The following CSMD1 variants were observed in gnomAD, a reference collection of about 807,000 sequenced individuals.
CSMD1 encodes the protein CUB and sushi domain-containing protein 1.
In CSMD1, 213 loss-of-function variants were observed where a neutral mutation model predicts 417.5. That is an observed-to-expected ratio of 0.51 (90% CI 0.46 to 0.57). The LOEUF (loss-of-function observed/expected upper bound fraction) is 0.57, where lower values mean the gene tolerates loss of function less well. CSMD1 is among the 20% of genes least tolerant of loss of function. The probability of loss-of-function intolerance (pLI) is 0.00; values close to 1 mark genes in which losing one functional copy is unlikely to be tolerated. For synonymous variants in CSMD1, 2,862 were observed against 1,736.8 expected, an observed-to-expected ratio of 1.65 and a Z score of -16.11; for missense variants, 6,923 against 4,529.7, an observed-to-expected ratio of 1.53 and a Z score of -15.17.
chr8:3,220,692 A>G (rs1029988579), intron 28 of CSMD1, among the ~76,000 whole-genome samples: 2 of 152,104 alleles, frequency 1.3e-5, no homozygotes, highest in African/African-American at 4.8e-5. Context: ...TTAGCAGAGC[A>G]TGGTGTCGTG....
chr8:2,998,999 T>C (rs971217346), intron 53 of CSMD1, among the ~76,000 whole-genome samples: 23 of 152,226 alleles, frequency 1.5e-4, no homozygotes, highest in African/African-American at 4.6e-4. Context: ...AAATATACAA[T>C]ATTTCTAAAA....
In CSMD1 at chr8:4,627,149, C is replaced by T. The variant is rs552780196; in HGVS notation, c.302+10193G>A. On this transcript the variant is annotated intron_variant, in intron 2 of 69. Transcript: ENST00000635120. ...TTTCAATATTTCAACTAATATTATG[C>T]GATGAAAACTCACTTGTTTATTCTG... Among the ~76,000 whole-genome samples the T allele has an allele frequency of 3.4e-4, 51 of 152,180 alleles. 1 individual carries two copies. The highest frequency in any genetic ancestry group is 1.1e-3 in the Admixed American group (17 of 15,290).
intron 1 of CSMD1, among the ~76,000 whole-genome samples, chr8:4,731,050 G>A (rs982766644): frequency 6.6e-6 from 1 of 152,222 alleles, no homozygotes; most frequent in Non-Finnish European, 1.5e-5. Context: ...GAGTATGGAG[G>A]GTCTGTGGGT....
chr8:3,685,074 C>G (rs1799879303), intron 7 of CSMD1, among the ~76,000 whole-genome samples: 1 of 152,044 alleles, frequency 6.6e-6, no homozygotes, highest in Non-Finnish European at 1.5e-5. Flanking sequence ...TAAGAGATGT[C>G]TTCATTATAA....
rs1273549224 is a variant in CSMD1 at position 2,936,354 on chromosome 8, A to C, written c.*2231T>G. 1 of 146,434 alleles carries C rather than the reference A, an allele frequency of 6.8e-6. No homozygotes were observed. Among genetic ancestry groups the C allele is most frequent in the Non-Finnish European group, 1.5e-5 (1 of 67,066 alleles). The allele number at this position is 146,434 out of a possible 1,614,324, so 9.1% of individuals were successfully genotyped here. Reference sequence around the variant, plus strand: ...ATTTTGCACCTAGTTTGAATGACTCAAACTTAGATATGTACAATATATATA... The same window carrying C: ...ATTTTGCACCTAGTTTGAATGACTCCAACTTAGATATGTACAATATATATA... On this transcript the variant is annotated 3_prime_UTR_variant, in exon 70 of 70. Transcript: ENST00000635120.
chr8:3,002,332 G>C (rs962611718), intron 52 of CSMD1, among the ~76,000 whole-genome samples: 7 of 152,188 alleles, frequency 4.6e-5, no homozygotes, highest in South Asian at 2.1e-4. Context: ...TCGTGCATGG[G>C]GGAGATGGAG....
At chr8:3,642,473 T>C (rs1246505619) in intron 7 of CSMD1, among the ~76,000 whole-genome samples, 1 of 152,154 alleles carries the variant, frequency 6.6e-6, no homozygotes. Context: ...TCCCAAGTAG[T>C]GACCCAAGCA....
intron 26 of CSMD1, among the ~76,000 whole-genome samples, chr8:3,241,207 G>A (rs566593858): frequency 1.3e-5 from 2 of 151,500 alleles, no homozygotes; most frequent in East Asian, 1.9e-4. Context: ...AACTGGGCAG[G>A]TGGGGATAAC....
At chr8:4,735,105 G>A (rs552656375) in intron 1 of CSMD1, among the ~76,000 whole-genome samples, 4 of 152,188 alleles carry the variant, frequency 2.6e-5, no homozygotes, top group Admixed American at 1.3e-4. Context: ...CCGCAGGGAA[G>A]AGCAAAAGGT....
At chr8:4,875,298 T>A (rs773134480) in intron 1 of CSMD1, among the ~76,000 whole-genome samples, 1 of 152,098 alleles carries the variant, frequency 6.6e-6, no homozygotes, top group African/African-American at 2.4e-5. Context: ...GATTCTCAGT[T>A]CGAAAATATG....
chr8:4,502,905 T>G (rs902751134), intron 2 of CSMD1, among the ~76,000 whole-genome samples: 1 of 152,150 alleles, frequency 6.6e-6, no homozygotes. Flanking sequence ...ACCAATTCCT[T>G]CTGGTGTCTT....
Position 2,965,851 on chromosome 8 carries a change from GA to G in CSMD1, c.9203del (p.Val3068AlafsTer52). 6.2e-7 allele frequency: 1 copy of G among 1,609,182 alleles called. No homozygotes were observed. Among genetic ancestry groups the G allele is most frequent in the Non-Finnish European group, 8.5e-7 (1 of 1,177,672 alleles). On this transcript the variant is annotated frameshift_variant, in exon 59 of 70. Coordinates refer to ENST00000635120, the MANE Select transcript of CSMD1 (RefSeq NM_033225.6). LOFTEE classifies it high-confidence loss of function. ...TAGTGGCGGATGTGACTGCTTCCAT[GA>G]CATAGCCTGGGTTACACTGATAGCT... is the stretch of plus-strand genomic sequence containing the variant. ...TVSYQCNPGYVMEAVTSATIR... is the reference protein window; with the variant it reads ...TVSYQCNPGYXMEAVTSATIR...
intron 1 of CSMD1, among the ~76,000 whole-genome samples, chr8:4,977,286 T>C (rs1463062205): frequency 6.6e-6 from 1 of 152,178 alleles, no homozygotes; most frequent in African/African-American, 2.4e-5. Flanking sequence ...CTTAACATTC[T>C]TCCTGAAATA....
intron 1 of CSMD1, among the ~76,000 whole-genome samples, chr8:4,863,637 C>T (rs192942573): frequency 2.0e-5 from 3 of 152,090 alleles, no homozygotes; most frequent in African/African-American, 7.2e-5. Flanking sequence ...CATATCCACC[C>T]AGGGGACACA....
At chr8:4,424,650 A>C (rs894633935) in intron 2 of CSMD1, among the ~76,000 whole-genome samples, 3 of 152,114 alleles carry the variant, frequency 2.0e-5, no homozygotes, top group Non-Finnish European at 4.4e-5. Context: ...AAAACTTCCG[A>C]AGAAGTTTGA....
At chr8:4,693,589 G>C (rs192495052) in intron 1 of CSMD1, among the ~76,000 whole-genome samples, 1 of 152,264 alleles carries the variant, frequency 6.6e-6, no homozygotes, top group East Asian at 1.9e-4. Context: ...AGGCAGAGTG[G>C]TATTGAGGTA....
intron 1 of CSMD1, among the ~76,000 whole-genome samples, chr8:4,759,880 C>T (rs1208958592): frequency 6.6e-6 from 1 of 152,112 alleles, no homozygotes; most frequent in Non-Finnish European, 1.5e-5. Flanking sequence ...TATAGGCATG[C>T]ATGTGTATTT....
chr8:3,290,965 C>G (rs570424736), intron 25 of CSMD1, among the ~76,000 whole-genome samples: 2 of 152,132 alleles, frequency 1.3e-5, no homozygotes, highest in African/African-American at 2.4e-5. Context: ...GTGGGTTTGT[C>G]ATAGATAGCT....
At chr8:3,750,494 C>T (rs745969784) in intron 6 of CSMD1, among the ~76,000 whole-genome samples, 39 of 152,030 alleles carry the variant, frequency 2.6e-4, no homozygotes, top group East Asian at 1.5e-3. Context: ...AAATATCAAT[C>T]GACTATGCTT....
Sources: allele counts gnomAD v4.1 joint callset (sites outside exome capture counted in the v4.1 genomes callset), GRCh38; gene constraint gnomAD v4.1.1; transcripts MANE v1.5; gene names NCBI Gene and HGNC (gene_info 2026-07-23, HGNC 2026-07-21).